The following SSR4 variants were observed in gnomAD, a reference collection of about 807,000 sequenced individuals.
SSR4 encodes translocon-associated protein subunit delta.
For missense variants in SSR4, 125 were observed against 148.8 expected, an observed-to-expected ratio of 0.84 and a Z score of 0.83; for synonymous variants, 84 against 65.6, an observed-to-expected ratio of 1.28 and a Z score of -1.35.
chrX:153,794,787 G>A (rs782679700), intron 1 of SSR4, 33 bp downstream of exon 1: 29 of 1,199,530 alleles, frequency 2.4e-5, no homozygotes, highest in Admixed American at 2.2e-4. Context: ...TTTCTTGCGA[G>A]CCTCTGACCC....
Position 153,798,315 on chromosome X carries a change from C to T in SSR4, c.418-14C>T. 8.3e-7 allele frequency: 1 copy of T among 1,206,550 alleles called. No individual in the cohort carries two copies. Among genetic ancestry groups the T allele is most frequent in the Non-Finnish European group, 1.1e-6 (1 of 892,520 alleles). The stretch of plus-strand genomic sequence containing the variant: ...GTACTCCCCTGAGCTGGCTTGTGAT[C>T]TCCTTTTTTTCAGGGCACTTGGAAC... On this transcript the variant is annotated splice_polypyrimidine_tract_variant and intron_variant, in intron 5 of 5. Coordinates refer to ENST00000370086, the MANE Select transcript of SSR4 (RefSeq NM_006280.3).
upstream of SSR4, chrX:153,794,433 CGCGCGCGGTCGCA>C (rs2092125244): frequency 2.6e-6 from 3 of 1,134,947 alleles, no homozygotes; most frequent in South Asian, 6.1e-5. Flanking sequence ...GTACTGCGCA[CGCGCGCGGTCGCA>C]CCGATTCACG....
chrX:153,798,192 C>T (rs1354645385), intron 5 of SSR4, 56 bp downstream of exon 5: 3 of 1,178,433 alleles, frequency 2.5e-6, no homozygotes, highest in Non-Finnish European at 3.5e-6. Context: ...TGAAGGTTAT[C>T]CTCTCCACAG....
chrX:153,796,393 C>T (rs781861847), intron 1 of SSR4, 41 bp from the exon 2 acceptor site: 8 of 1,014,513 alleles, frequency 7.9e-6, no homozygotes, highest in Admixed American at 2.2e-5. Flanking sequence ...CCGGGATACT[C>T]GAGCTGGCCT....
At chrX:153,795,565 G>T (rs2092135191) in intron 1 of SSR4, 2 of 543,456 alleles carry the variant, frequency 3.7e-6, no homozygotes, top group South Asian at 9.5e-5. Context: ...AACCCTTCGG[G>T]GGCTCCCCTG....
At chrX:153,796,391 C>A (rs782086320) in intron 1 of SSR4, 43 bp from the exon 2 acceptor site, 12 of 1,006,710 alleles carry the variant, frequency 1.2e-5, no homozygotes, top group African/African-American at 1.9e-5. Flanking sequence ...GACCGGGATA[C>A]TCGAGCTGGC....
At chrX:153,797,196 C>T (rs1489477008) in intron 2 of SSR4, 2 of 401,390 alleles carry the variant, frequency 5.0e-6, no homozygotes, top group Non-Finnish European at 8.7e-6. Flanking sequence ...ATCATCCCGC[C>T]CCTGCTCACA....
chrX:153,794,958 C>T (rs2092130447), intron 1 of SSR4: 1 of 470,795 alleles, frequency 2.1e-6, no homozygotes, highest in South Asian at 3.3e-5. Context: ...CTTGTCTGCC[C>T]ATACGAAGAG....
chrX:153,798,370 T>A lies in SSR4; in HGVS notation c.459T>A (p.Ala153=). 8.3e-7 allele frequency: 1 copy of A among 1,206,159 alleles called. No homozygotes were observed. Among genetic ancestry groups the A allele is most frequent in the Non-Finnish European group, 1.1e-6 (1 of 892,629 alleles). Residue 153 remains alanine (A), a synonymous_variant, in exon 6 of 6, where the codon GCT becomes GCA. Transcript: ENST00000370086. ...CCTGGGTGTCCACTGAGGTGCTGGC[T>A]GCGGCGATCGGCCTTGTGATCTACT... is the stretch of plus-strand genomic sequence containing the variant. ...NGPWVSTEVL[A]AAIGLVIYYL...
upstream of SSR4, chrX:153,794,461 C>G (rs1244107254): frequency 8.8e-7 from 1 of 1,142,541 alleles, no homozygotes; most frequent in Non-Finnish European, 1.2e-6. Flanking sequence ...TTCACGCCCC[C>G]TTCCGGCGCC....
upstream of SSR4, chrX:153,794,602 C>T (rs1557071642): frequency 8.3e-7 from 1 of 1,197,769 alleles, no homozygotes; most frequent in Non-Finnish European, 1.1e-6. Context: ...GATTGGCTGC[C>T]GCTGCCACTT....
At chrX:153,796,764 G>C in intron 2 of SSR4, 1 of 396,011 alleles carries the variant, frequency 2.5e-6, no homozygotes, top group Non-Finnish European at 4.4e-6. Context: ...GTAACCCTGG[G>C]CTCACCACCC....
chrX:153,797,720 C>T lies in SSR4; in HGVS notation c.262-5C>T. ...TGCCCACACTCTGCTCAACACCCAA[C>T]CCAGGTGTCCTGGAGCCTGGACCAC... is the stretch of plus-strand genomic sequence containing the variant. On this transcript the variant is annotated splice_region_variant and splice_polypyrimidine_tract_variant and intron_variant, in intron 3 of 5. Coordinates refer to ENST00000370086, the MANE Select transcript of SSR4 (RefSeq NM_006280.3). The T allele has an allele frequency of 8.3e-7, 1 of 1,209,038 alleles. No homozygotes were observed. The highest frequency in any genetic ancestry group is 1.1e-6 in the Non-Finnish European group (1 of 893,558).
In SSR4 at chrX:153,796,417, C is replaced by T. The variant is rs1557072476; in HGVS notation, c.68-17C>T. The T allele has an allele frequency of 1.7e-6, 2 of 1,149,476 alleles. No homozygotes were observed. The highest frequency in any genetic ancestry group is 3.0e-5 in the East Asian group (1 of 33,588). 94.7% of individuals were successfully genotyped at this position (1,149,476 alleles called of 1,213,427 possible). On this transcript the variant is annotated splice_polypyrimidine_tract_variant and intron_variant, in intron 1 of 5. Coordinates refer to ENST00000370086, the MANE Select transcript of SSR4 (RefSeq NM_006280.3). ...TCGAGCTGGCCTTACCCAGGCATCT[C>T]TCCCTCTTCCCCGCAGCCGAGGCCT...
chrX:153,796,541 A>G lies in SSR4; in HGVS notation c.175A>G (p.Asn59Asp), dbSNP rs1557072549. The G allele has an allele frequency of 2.5e-6, 3 of 1,198,820 alleles. No homozygotes were observed. In the East Asian group the frequency reaches 8.9e-5, roughly 36 times the overall value. ...FIVEISLTCK[N>D]RVQNMALYAD... is the part of the protein sequence containing the mutation. The stretch of plus-strand genomic sequence containing the variant: ...TGTGGAGATCTCCCTGACATGCAAG[A>G]ACAGGGTCCAGGTGAGACAGTGGGG... The change falls in exon 2 of 6, where the codon AAC becomes GAC. Residue 59 changes from asparagine to aspartate, a missense_variant. Coordinates refer to ENST00000370086, the MANE Select transcript of SSR4 (RefSeq NM_006280.3).
chrX:153,795,049 C>CA (rs2148448670), intron 1 of SSR4: 1 of 357,925 alleles, frequency 2.8e-6, no homozygotes, highest in African/African-American at 2.6e-5. Flanking sequence ...CCGCTCCCTG[C>CA]GGGGTCGGAC....
At chrX:153,794,491 T>C, upstream of SSR4, 1 of 1,151,681 alleles carries the variant, frequency 8.7e-7, no homozygotes, top group Non-Finnish European at 1.2e-6. Context: ...GCTGCCGCCA[T>C]GTTGAGGGGG....
At chrX:153,796,578 A>T (rs782656055) in intron 2 of SSR4, 26 bp downstream of exon 2, 127 of 883,498 alleles carry the variant, frequency 1.4e-4, no homozygotes, top group Non-Finnish European at 1.9e-4. Context: ...TTCAGACAGG[A>T]GGGCGGGTGG....
chrX:153,796,420 C>T lies in SSR4; in HGVS notation c.68-14C>T. 1 of 1,161,354 alleles carries T rather than the reference C, an allele frequency of 8.6e-7. No individual in the cohort carries two copies. Among genetic ancestry groups the T allele is most frequent in the Non-Finnish European group, 1.2e-6 (1 of 850,049 alleles). ...AGCTGGCCTTACCCAGGCATCTCTCCCTCTTCCCCGCAGCCGAGGCCTGCC... is the reference window on the plus strand; with the variant it reads ...AGCTGGCCTTACCCAGGCATCTCTCTCTCTTCCCCGCAGCCGAGGCCTGCC... On this transcript the variant is annotated splice_polypyrimidine_tract_variant and intron_variant, in intron 1 of 5. Transcript: ENST00000370086.
Sources: gnomAD v4.1 joint callset for allele counts on GRCh38, gnomAD v4.1.1 for gene constraint, MANE v1.5 for transcripts, NCBI Gene and HGNC (gene_info 2026-07-23, HGNC 2026-07-21) for gene names.